The following COP1 variants were observed in gnomAD, a reference collection of about 807,000 sequenced individuals.
COP1 encodes COP1 E3 ubiquitin ligase.
Under a neutral mutation model 101.3 loss-of-function variants are expected in COP1, and 24 were observed. That is an observed-to-expected ratio of 0.24 (90% confidence interval 0.17 to 0.33). The LOEUF (loss-of-function observed/expected upper bound fraction) is 0.33, where lower values mean the gene tolerates loss of function less well. Among genes scored for constraint, COP1 ranks in the 10% least tolerant of loss-of-function variants. The pLI is 1.00. For missense variants in COP1, 663 were observed against 906.2 expected, an observed-to-expected ratio of 0.73 and a Z score of 3.45; for synonymous variants, 347 against 341.9, an observed-to-expected ratio of 1.01 and a Z score of -0.17.
In COP1 at chr1:175,965,857, C is replaced by G. The variant is rs568211465; in HGVS notation, c.2134-18618G>C. The stretch of plus-strand genomic sequence containing the variant: ...TCAGCCTCCTAAAGTGTTGGGATTA[C>G]AAGCGTGAGCCACCGCACCCAGCCA... On this transcript the variant is annotated intron_variant, in intron 18 of 19. Coordinates refer to ENST00000367669, the MANE Select transcript of COP1 (RefSeq NM_022457.7). 1.3e-3 allele frequency among the ~76,000 whole-genome samples: 193 copies of G among 152,204 alleles called. 2 individuals carry two copies. Among genetic ancestry groups the G allele is most frequent in the African/African-American group, 4.4e-3 (183 of 41,552 alleles).
At position 176,199,164 on chromosome 1, in the gene COP1, A is replaced by C. The variant is rs184485702; in HGVS notation, c.407+7408T>G. On this transcript the variant is annotated intron_variant, in intron 1 of 19. Transcript: ENST00000367669. ...AACCCCATCTCTACTAAAAATACAAAAAATTAGCTTGGCATGGTGGCGGGC... is the reference window on the plus strand; with the variant it reads ...AACCCCATCTCTACTAAAAATACAACAAATTAGCTTGGCATGGTGGCGGGC... 1.1e-3 allele frequency among the ~76,000 whole-genome samples: 164 copies of C among 152,212 alleles called. 3 individuals carry two copies. Among genetic ancestry groups the C allele is most frequent in the Admixed American group, 0.011 (164 of 15,288 alleles).
chr1:176,001,849 T>C (rs548942222), intron 15 of COP1, among the ~76,000 whole-genome samples: 1 of 152,258 alleles, frequency 6.6e-6, no homozygotes, highest in Admixed American at 6.5e-5. Flanking sequence ...TTTTGATGAA[T>C]AGTTTTGCTG....
chr1:176,048,133 ACTTTT>A (rs1671830463), intron 11 of COP1, among the ~76,000 whole-genome samples: 2 of 151,072 alleles, frequency 1.3e-5, no homozygotes, highest in African/African-American at 4.9e-5. Context: ...TGATACGCCC[ACTTTT>A]CTTTACAGCT....
At chr1:176,142,695 C>A in intron 6 of COP1, among the ~76,000 whole-genome samples, 1 of 149,954 alleles carries the variant, frequency 6.7e-6, no homozygotes. Flanking sequence ...GACTACAATG[C>A]AATTATAACA....
At chr1:176,112,708 C>T (rs896443471) in intron 9 of COP1, among the ~76,000 whole-genome samples, 4 of 152,134 alleles carry the variant, frequency 2.6e-5, no homozygotes, top group Admixed American at 6.6e-5. Flanking sequence ...TCTCCATTCC[C>T]CCTCCTTGCC....
At chr1:176,027,473 T>G (rs1352809549) in intron 15 of COP1, 99 bp downstream of exon 15, 1 of 764,084 alleles carries the variant, frequency 1.3e-6, no homozygotes, top group Non-Finnish European at 2.3e-6. Flanking sequence ...AAACAACATT[T>G]AAACCTACAA....
At chr1:175,955,707 T>C (rs1019844872) in intron 18 of COP1, among the ~76,000 whole-genome samples, 4 of 147,340 alleles carry the variant, frequency 2.7e-5, no homozygotes, top group African/African-American at 7.5e-5. Context: ...GATAAGCAAA[T>C]AGAATTTAAA....
chr1:176,149,072 T>C lies in COP1; in HGVS notation c.765A>G (p.Glu255=), dbSNP rs765891044. 5 of 1,568,682 alleles carry C rather than the reference T, an allele frequency of 3.2e-6. No homozygotes were observed. Among genetic ancestry groups the C allele is most frequent in the African/African-American group, 2.7e-5 (2 of 73,500 alleles). The change falls in exon 6 of 20, where the codon GAA becomes GAG. Residue 255 remains glutamate, a splice_region_variant and synonymous_variant. Transcript: ENST00000367669. The stretch of plus-strand genomic sequence containing the variant: ...GAATCTGTAGTTGGGCTGCATGTGA[T>C]TCCTACAATAGAAAATTATAATTTT... The part of the protein sequence containing the change: ...LVQKKKQLEA[E]SHAAQLQILM...
chr1:176,178,004 C>A (rs1278384210), intron 2 of COP1, among the ~76,000 whole-genome samples: 1 of 152,132 alleles, frequency 6.6e-6, no homozygotes, highest in South Asian at 2.1e-4. Context: ...ATGACCTGCA[C>A]AATGTTCCAA....
At chr1:176,160,176 T>C in intron 5 of COP1, 1 of 286,622 alleles carries the variant, frequency 3.5e-6, no homozygotes, top group Non-Finnish European at 6.9e-6. Flanking sequence ...TGCTGGCATA[T>C]GAGAAGGTAG....
chr1:176,141,966 C>T (rs1690764703), intron 6 of COP1, among the ~76,000 whole-genome samples: 1 of 151,920 alleles, frequency 6.6e-6, no homozygotes, highest in Non-Finnish European at 1.5e-5. Flanking sequence ...ACTCCTGGCC[C>T]TCAAATGATC....
chr1:175,975,230 T>C (rs10798428), intron 18 of COP1, among the ~76,000 whole-genome samples: 112,847 of 151,904 alleles, frequency 0.74, 44,196 homozygotes, highest in East Asian at 0.92. Context: ...ATAGGATAAA[T>C]ATACCTTTAA....
intron 14 of COP1, among the ~76,000 whole-genome samples, chr1:176,036,843 T>C (rs1467340624): frequency 6.6e-6 from 1 of 152,218 alleles, no homozygotes; most frequent in Admixed American, 6.5e-5. Context: ...AAATGCATTT[T>C]CAATTTATGA....
chr1:176,147,757 G>C (rs1691784975), intron 6 of COP1, among the ~76,000 whole-genome samples: 1 of 152,056 alleles, frequency 6.6e-6, no homozygotes, highest in African/African-American at 2.4e-5. Flanking sequence ...GGAGGCCATG[G>C]GCCACCACAT....
chr1:176,137,560 G>C (rs1416840605), intron 6 of COP1, among the ~76,000 whole-genome samples: 2 of 152,032 alleles, frequency 1.3e-5, no homozygotes, highest in African/African-American at 2.4e-5. Context: ...ATATATTACT[G>C]ATTGCCAGAT....
intron 18 of COP1, among the ~76,000 whole-genome samples, chr1:175,970,600 A>G (rs1653051315): frequency 6.6e-6 from 1 of 152,192 alleles, no homozygotes; most frequent in Non-Finnish European, 1.5e-5. Flanking sequence ...CTAATTTTCT[A>G]AATACTAGTA....
intron 18 of COP1, among the ~76,000 whole-genome samples, chr1:175,955,975 T>C (rs1199646854): frequency 6.6e-6 from 1 of 152,126 alleles, no homozygotes; most frequent in Non-Finnish European, 1.5e-5. Context: ...CAAACTTTTC[T>C]AGTAGAAACT....
At chr1:176,061,995 G>GATT (rs781598545) in intron 11 of COP1, among the ~76,000 whole-genome samples, 5 of 152,010 alleles carry the variant, frequency 3.3e-5, no homozygotes, top group Non-Finnish European at 5.9e-5. Context: ...AGAAAGACCT[G>GATT]ATTATTATTA....
At chr1:176,066,077 A>G (rs144131988) in intron 11 of COP1, among the ~76,000 whole-genome samples, 225 of 152,254 alleles carry the variant, frequency 1.5e-3, no homozygotes, top group African/African-American at 4.8e-3. Context: ...AAGAATCTAC[A>G]TAAGTCTTTC....
Sources: gnomAD v4.1 joint callset for allele counts (sites outside exome capture counted in the v4.1 genomes callset) on GRCh38, gnomAD v4.1.1 for gene constraint, MANE v1.5 for transcripts, NCBI Gene and HGNC (gene_info 2026-07-23, HGNC 2026-07-21) for gene names.